Variants in TRAPPC9 observed in about 807,000 individuals in gnomAD.
The protein encoded by TRAPPC9 is trafficking protein particle complex subunit 9.
A neutral mutation model predicts 124.0 loss-of-function variants in TRAPPC9; 83 were observed. That is an observed-to-expected ratio of 0.67 (90% CI 0.56 to 0.80). The LOEUF is 0.80. TRAPPC9 is among the 30% of genes least tolerant of loss of function. The pLI is 0.00. For missense variants in TRAPPC9, 1,302 were observed against 1,508.3 expected (o/e 0.86, Z 2.27); for synonymous variants, 638 against 617.5 (o/e 1.03, Z -0.49).
chr8:139,768,915 C>T (rs1820763944), intron 21 of TRAPPC9, among the ~76,000 whole-genome samples: 1 of 152,082 alleles, frequency 6.6e-6, no homozygotes, highest in African/African-American at 2.4e-5. Context: ...GGACTGGTGT[C>T]ATTATAAGAG....
chr8:140,317,574 AAG>A (rs2066473286), intron 9 of TRAPPC9, among the ~76,000 whole-genome samples: 2 of 152,356 alleles, frequency 1.3e-5, no homozygotes, highest in South Asian at 4.1e-4. Flanking sequence ...GGGCTTTACA[AAG>A]GACAGGACAA....
At chr8:140,090,188 G>C (rs1295090585) in intron 17 of TRAPPC9, among the ~76,000 whole-genome samples, 2 of 152,140 alleles carry the variant, frequency 1.3e-5, no homozygotes. Context: ...AACATATGTA[G>C]GTTGACCCGG....
intron 21 of TRAPPC9, among the ~76,000 whole-genome samples, chr8:139,803,372 C>T (rs902916869): frequency 2.6e-5 from 4 of 152,356 alleles, no homozygotes; most frequent in East Asian, 3.9e-4. Context: ...TTTGACTCTG[C>T]CACTGCCTAG....
intron 18 of TRAPPC9, among the ~76,000 whole-genome samples, chr8:139,992,919 G>A (rs1318481963): frequency 6.6e-6 from 1 of 151,940 alleles, no homozygotes; most frequent in African/African-American, 2.4e-5. Context: ...AGAATGAATA[G>A]CTAAATATAG....
intron 19 of TRAPPC9, among the ~76,000 whole-genome samples, chr8:139,966,405 C>T (rs1835708553): frequency 6.6e-6 from 1 of 152,254 alleles, no homozygotes; most frequent in South Asian, 2.1e-4. Flanking sequence ...TCTGCTCCCA[C>T]AGGACGCATG....
At position 139,788,282 on chromosome 8, in the gene TRAPPC9, T is replaced by C. The variant is rs1216601042; in HGVS notation, c.3056-56080A>G. Among the ~76,000 whole-genome samples the C allele has an allele frequency of 3.9e-5, 6 of 152,102 alleles. No individual in the cohort carries two copies. Among genetic ancestry groups the C allele is most frequent in the South Asian group, 2.1e-4 (1 of 4,822 alleles). The stretch of plus-strand genomic sequence containing the variant: ...TGGCTAATGTGTGTGTCAGTGTATG[T>C]TGGAGGAGGGGAAGGGTGGTGGATT... On this transcript the variant is annotated intron_variant, in intron 21 of 22. Transcript: ENST00000438773. The surrounding 1 kb of genome is among the most constrained non-coding windows in gnomAD (Gnocchi z 4.9).
chr8:140,166,784 T>C (rs2061845718), intron 17 of TRAPPC9, among the ~76,000 whole-genome samples: 1 of 152,224 alleles, frequency 6.6e-6, no homozygotes, highest in Non-Finnish European at 1.5e-5. Flanking sequence ...CGTCTTTTTC[T>C]TCCAAATGTG....
intron 17 of TRAPPC9, among the ~76,000 whole-genome samples, chr8:140,153,865 T>C (rs1273048606): frequency 1.3e-5 from 2 of 152,206 alleles, no homozygotes; most frequent in East Asian, 3.8e-4. Flanking sequence ...TTCGCATCTT[T>C]TGTAACATAC....
intron 17 of TRAPPC9, among the ~76,000 whole-genome samples, chr8:140,210,829 C>G (rs2063043559): frequency 6.6e-6 from 1 of 152,180 alleles, no homozygotes; most frequent in Non-Finnish European, 1.5e-5. Context: ...TGTGGCCATG[C>G]TCCTCACACA....
At chr8:139,790,561 G>A (rs1248400366) in intron 21 of TRAPPC9, among the ~76,000 whole-genome samples, 1 of 152,212 alleles carries the variant, frequency 6.6e-6, no homozygotes, top group Non-Finnish European at 1.5e-5. Flanking sequence ...TGCCCCTGGG[G>A]AGACACTTGG....
chr8:139,796,268 G>T lies in TRAPPC9; in HGVS notation c.3056-64066C>A, dbSNP rs144169317. Among the ~76,000 whole-genome samples the T allele has an allele frequency of 4.6e-5, 7 of 152,312 alleles. No individual in the cohort carries two copies. The East Asian group carries it at 1.4e-3, about 29-fold the overall frequency. ...ATATAACTCAGTCCATTTAAGCAGA[G>T]CCCTGCTCTGCCCTATCTGAGGGCC... On this transcript the variant is annotated intron_variant, in intron 21 of 22. Transcript: ENST00000438773.
At chr8:140,083,759 T>C (rs1844003457) in intron 17 of TRAPPC9, among the ~76,000 whole-genome samples, 1 of 152,126 alleles carries the variant, frequency 6.6e-6, no homozygotes, top group Non-Finnish European at 1.5e-5. Context: ...GTTTGCCTCC[T>C]AGGTTCAAGT....
chr8:139,886,042 A>G (rs1024646026), intron 20 of TRAPPC9, 73 bp from the exon 21 acceptor site: 14 of 1,393,374 alleles, frequency 1.0e-5, no homozygotes, highest in Admixed American at 9.8e-5. Context: ...GTCTCTAGAC[A>G]GAGACCCTCA....
At chr8:140,396,722 T>C (rs942782123) in intron 7 of TRAPPC9, among the ~76,000 whole-genome samples, 3 of 152,032 alleles carry the variant, frequency 2.0e-5, no homozygotes, top group South Asian at 2.1e-4. Context: ...CCTGGCTATC[T>C]CCTATTCATC....
intron 21 of TRAPPC9, among the ~76,000 whole-genome samples, chr8:139,844,781 T>G (rs905036429): frequency 4.6e-5 from 7 of 152,238 alleles, no homozygotes; most frequent in Non-Finnish European, 8.8e-5. Context: ...ATTCACCAGC[T>G]AAGCAAGGCC....
At chr8:140,349,084 C>T (rs1160325541) in intron 9 of TRAPPC9, among the ~76,000 whole-genome samples, 2 of 100,976 alleles carry the variant, frequency 2.0e-5, no homozygotes, top group Admixed American at 1.3e-4. Flanking sequence ...TGAAGGGGGG[C>T]GTGCGAGGGA....
intron 17 of TRAPPC9, among the ~76,000 whole-genome samples, chr8:140,053,751 T>C (rs924322801): frequency 3.9e-5 from 6 of 152,270 alleles, no homozygotes; most frequent in Non-Finnish European, 8.8e-5. Flanking sequence ...GGTGCGTACA[T>C]ACTGATAACC....
At chr8:140,317,079 T>C (rs1418075754) in intron 9 of TRAPPC9, among the ~76,000 whole-genome samples, 1 of 152,226 alleles carries the variant, frequency 6.6e-6, no homozygotes, top group Non-Finnish European at 1.5e-5. Context: ...TCCTTTTTGA[T>C]CTCTGATTTT....
In TRAPPC9 at chr8:140,451,182, C is replaced by T. The variant is rs376133075; in HGVS notation, c.192G>A (p.Glu64=). The T allele has an allele frequency of 6.9e-5, 111 of 1,614,088 alleles. No homozygotes were observed. In the African/African-American group the frequency reaches 1.5e-3, roughly 21 times the overall value. Reference sequence around the variant, plus strand: ...TCTGGAAGTCACCCCACTCGTTGTTCTCGGGTGGGTAGTGGTGCCTGTAGC... The same window carrying T: ...TCTGGAAGTCACCCCACTCGTTGTTTTCGGGTGGGTAGTGGTGCCTGTAGC... ...YIRYRHHYPP[E]NNEWGDFQTH... Residue 64 remains glutamate, a synonymous_variant, in exon 2 of 23, where the codon GAG becomes GAA. Coordinates refer to ENST00000438773, the MANE Select transcript of TRAPPC9 (RefSeq NM_001160372.4).
Sources: gnomAD v4.1 joint callset for allele counts (sites outside exome capture counted in the v4.1 genomes callset) on GRCh38, gnomAD v4.1.1 for gene constraint, Gnocchi (gnomAD v3.1) non-coding constraint, MANE v1.5 for transcripts, NCBI Gene and HGNC (gene_info 2026-07-23, HGNC 2026-07-21) for gene names.